The following FAM174A variants were observed in gnomAD, a reference collection of about 807,000 sequenced individuals.
FAM174A encodes family with sequence similarity 174 member A.
Under a neutral mutation model 14.3 loss-of-function variants are expected in FAM174A, and 14 were observed. The ratio of observed to expected loss-of-function variants is 0.98; its 90% confidence interval spans 0.65 to 1.53. The LOEUF (loss-of-function observed/expected upper bound fraction) is 1.53. Ranked by LOEUF, FAM174A falls within the 40% of genes most tolerant of loss-of-function variation. FAM174A has a pLI of 0.00. For missense variants in FAM174A, 241 were observed against 249.6 expected, an observed-to-expected ratio of 0.97 and a Z score of 0.23; for synonymous variants, 108 against 111.4, an observed-to-expected ratio of 0.97 and a Z score of 0.19.
intron 2 of FAM174A, among the ~76,000 whole-genome samples, chr5:100,573,961 T>A (rs896963596): frequency 3.3e-5 from 5 of 152,110 alleles, no homozygotes; most frequent in African/African-American, 7.2e-5. Context: ...ACCTGAGGGT[T>A]TTTTTTTCTT....
At chr5:100,542,312 T>A (rs1746073180) in intron 1 of FAM174A, among the ~76,000 whole-genome samples, 1 of 152,234 alleles carries the variant, frequency 6.6e-6, no homozygotes, top group Non-Finnish European at 1.5e-5. Flanking sequence ...TTTTTATCCC[T>A]GGACAAATCT....
intron 2 of FAM174A, 138 bp from the exon 3 acceptor site, chr5:100,586,043 T>C: frequency 2.5e-6 from 1 of 399,510 alleles, no homozygotes. Flanking sequence ...GTGTTATTGG[T>C]GTTCTTTTTA....
chr5:100,567,880 T>G (rs1746696376), intron 2 of FAM174A, among the ~76,000 whole-genome samples: 1 of 151,974 alleles, frequency 6.6e-6, no homozygotes, highest in South Asian at 2.1e-4. Context: ...TTCCTTAATT[T>G]CTCCACTGTG....
chr5:100,555,943 T>A (rs1361871555), intron 1 of FAM174A, among the ~76,000 whole-genome samples: 1 of 91,068 alleles, frequency 1.1e-5, no homozygotes, highest in Non-Finnish European at 2.5e-5. Context: ...GCTCTTTAGT[T>A]TAATTGGATC....
At chr5:100,557,052 C>T (rs1027867424) in intron 1 of FAM174A, among the ~76,000 whole-genome samples, 1 of 152,110 alleles carries the variant, frequency 6.6e-6, no homozygotes, top group Non-Finnish European at 1.5e-5. Flanking sequence ...CAGTTTTTGC[C>T]CATTCAGTAT....
At chr5:100,578,058 CTGTT>C (rs978643659) in intron 2 of FAM174A, among the ~76,000 whole-genome samples, 11 of 151,998 alleles carry the variant, frequency 7.2e-5, no homozygotes, top group African/African-American at 2.4e-4. Flanking sequence ...ATTTTATAGT[CTGTT>C]TGTTTGTAGA....
chr5:100,581,831 A>G (rs1439483040), intron 2 of FAM174A, among the ~76,000 whole-genome samples: 2 of 152,208 alleles, frequency 1.3e-5, no homozygotes, highest in Admixed American at 6.5e-5. Flanking sequence ...AGTCTTATAA[A>G]TATAAACAGG....
chr5:100,568,432 A>C (rs1356809863), intron 2 of FAM174A, among the ~76,000 whole-genome samples: 1 of 151,888 alleles, frequency 6.6e-6, no homozygotes, highest in African/African-American at 2.4e-5. Flanking sequence ...TGGGCCTTTC[A>C]GCACACAGTT....
At chr5:100,537,298 C>T (rs1745960732) in intron 1 of FAM174A, among the ~76,000 whole-genome samples, 1 of 152,088 alleles carries the variant, frequency 6.6e-6, no homozygotes, top group South Asian at 2.1e-4. Flanking sequence ...ACTCCTATCA[C>T]CTTAAGCCAG....
chr5:100,545,363 T>C (rs1746144649), intron 1 of FAM174A, among the ~76,000 whole-genome samples: 1 of 152,198 alleles, frequency 6.6e-6, no homozygotes, highest in Non-Finnish European at 1.5e-5. Context: ...AATCAGGTTT[T>C]CCTTGGCGTT....
At chr5:100,575,402 T>TC (rs983464632) in intron 2 of FAM174A, among the ~76,000 whole-genome samples, 2 of 152,098 alleles carry the variant, frequency 1.3e-5, no homozygotes, top group Admixed American at 6.5e-5. Flanking sequence ...CCCTCGTCTC[T>TC]CCCCCCACCG....
chr5:100,535,921 G>A lies in FAM174A; in HGVS notation c.391G>A (p.Val131Met). ...TQRALTVLMV[V>M]SGAVLVYFVV... ...GCGGGCCCTGACCGTGTTGATGGTG[G>A]TGAGCGGCGCGGTGCTGGTGTACTT... Residue 131 changes from valine (V) to methionine (M), a missense_variant, in exon 1 of 3, where the codon GTG (valine) becomes ATG (methionine). Coordinates refer to ENST00000312637, the MANE Select transcript of FAM174A (RefSeq NM_198507.3). 1.2e-6 allele frequency: 2 copies of A among 1,609,850 alleles called. No homozygotes were observed. The highest frequency in any genetic ancestry group is 1.7e-6 in the Non-Finnish European group (2 of 1,177,512).
chr5:100,547,352 C>A (rs1336687537), intron 1 of FAM174A, among the ~76,000 whole-genome samples: 1 of 151,930 alleles, frequency 6.6e-6, no homozygotes, highest in Non-Finnish European at 1.5e-5. Flanking sequence ...TGGTGGGATC[C>A]TAATATATAA....
intron 2 of FAM174A, among the ~76,000 whole-genome samples, chr5:100,565,293 G>A (rs1746619134): frequency 1.3e-5 from 2 of 151,816 alleles, no homozygotes; most frequent in Admixed American, 6.6e-5. Context: ...AAAAGCATTT[G>A]ACAGTGCTAT....
chr5:100,550,973 G>A (rs1007537700), intron 1 of FAM174A, among the ~76,000 whole-genome samples: 1 of 152,056 alleles, frequency 6.6e-6, no homozygotes. Flanking sequence ...GCTCATCTTT[G>A]TAGGCCATAT....
chr5:100,586,160 A>AT (rs1747122435), intron 2 of FAM174A, 21 bp from the exon 3 acceptor site: 13 of 1,296,614 alleles, frequency 1.0e-5, no homozygotes, highest in South Asian at 2.7e-5. Flanking sequence ...TATTTATGGT[A>AT]TTTTTTTCTT....
intron 1 of FAM174A, among the ~76,000 whole-genome samples, chr5:100,539,980 C>T (rs1415553552): frequency 6.6e-6 from 1 of 152,188 alleles, no homozygotes; most frequent in African/African-American, 2.4e-5. Context: ...CAACTCCCTG[C>T]ATTCCTTCCC....
chr5:100,538,980 G>A (rs1257807167), intron 1 of FAM174A, among the ~76,000 whole-genome samples: 2 of 151,976 alleles, frequency 1.3e-5, no homozygotes, highest in Non-Finnish European at 2.9e-5. Flanking sequence ...TAAAAGCAGG[G>A]AATTATTTCC....
intron 2 of FAM174A, among the ~76,000 whole-genome samples, chr5:100,579,176 A>G (rs999986777): frequency 6.6e-6 from 1 of 152,212 alleles, no homozygotes; most frequent in African/African-American, 2.4e-5. Context: ...ATTTTATATT[A>G]TAATGGTGGA....
Sources: allele counts gnomAD v4.1 joint callset (sites outside exome capture counted in the v4.1 genomes callset), GRCh38; gene constraint gnomAD v4.1.1; transcripts MANE v1.5; gene names NCBI Gene and HGNC (gene_info 2026-07-23, HGNC 2026-07-21).